The following NPFFR2 variants were observed in gnomAD, a reference collection of about 807,000 sequenced individuals.
The protein encoded by NPFFR2 is neuropeptide FF receptor 2.
A neutral mutation model predicts 13.1 loss-of-function variants in NPFFR2; 15 were observed. That is an observed-to-expected ratio of 1.15 (90% CI 0.77 to 1.76). The LOEUF (loss-of-function observed/expected upper bound fraction) is 1.76. NPFFR2 is among the 40% of genes most tolerant of loss of function. NPFFR2 has a pLI of 0.00. For missense variants in NPFFR2, 572 were observed against 503.5 expected (o/e 1.14, Z -1.30); for synonymous variants, 190 against 175.7 (o/e 1.08, Z -0.65).
intron 1 of NPFFR2, among the ~76,000 whole-genome samples, chr4:72,038,866 T>A (rs1301973611): frequency 6.6e-6 from 1 of 150,702 alleles, no homozygotes; most frequent in Non-Finnish European, 1.5e-5. Context: ...AATTATATCA[T>A]AATGTTGTTT....
At chr4:72,103,928 C>T (rs529202706) in intron 1 of NPFFR2, among the ~76,000 whole-genome samples, 10 of 151,740 alleles carry the variant, frequency 6.6e-5, no homozygotes, top group East Asian at 2.0e-4. Context: ...GAAACAGAAC[C>T]GGCAAATTTC....
intron 1 of NPFFR2, among the ~76,000 whole-genome samples, chr4:72,062,616 A>C (rs922101322): frequency 1.3e-5 from 2 of 152,052 alleles, no homozygotes; most frequent in Non-Finnish European, 2.9e-5. Flanking sequence ...AAAGACGTGA[A>C]ATCTTCCCGA....
chr4:72,118,741 A>G (rs1243272084), intron 1 of NPFFR2, among the ~76,000 whole-genome samples: 1 of 152,300 alleles, frequency 6.6e-6, no homozygotes, highest in East Asian at 1.9e-4. Context: ...AGCACCAATT[A>G]TTGGTTCAAC....
At chr4:72,123,145 A>G (rs1235255918) in intron 1 of NPFFR2, among the ~76,000 whole-genome samples, 1 of 152,218 alleles carries the variant, frequency 6.6e-6, no homozygotes, top group African/African-American at 2.4e-5. Context: ...ACCTCTGTGC[A>G]AATAAACTAG....
At chr4:72,141,968 G>T (rs1330144135) in intron 3 of NPFFR2, among the ~76,000 whole-genome samples, 1 of 152,112 alleles carries the variant, frequency 6.6e-6, no homozygotes, top group Non-Finnish European at 1.5e-5. Context: ...ATATATTTAG[G>T]ATCGTTATTT....
intron 1 of NPFFR2, among the ~76,000 whole-genome samples, chr4:72,112,314 A>T (rs1230995864): frequency 6.6e-6 from 1 of 152,058 alleles, no homozygotes; most frequent in African/African-American, 2.4e-5. Flanking sequence ...TTCTTAGTAG[A>T]AACAGTAAGA....
intron 3 of NPFFR2, among the ~76,000 whole-genome samples, chr4:72,145,509 G>A (rs1473030024): frequency 5.3e-5 from 8 of 151,824 alleles, no homozygotes; most frequent in African/African-American, 1.9e-4. Context: ...CCTATTAGTA[G>A]GTATTCAAAA....
At chr4:72,134,407 C>T (rs1238671933) in intron 2 of NPFFR2, among the ~76,000 whole-genome samples, 2 of 152,036 alleles carry the variant, frequency 1.3e-5, no homozygotes, top group African/African-American at 4.8e-5. Flanking sequence ...CCTTCAAACT[C>T]TCATAGATGT....
At chr4:72,144,921 C>T (rs1009290396) in intron 3 of NPFFR2, among the ~76,000 whole-genome samples, 16 of 152,264 alleles carry the variant, frequency 1.1e-4, no homozygotes, top group South Asian at 2.1e-4. Flanking sequence ...AACTGGCCTT[C>T]GGGCTCAGGA....
At chr4:72,072,185 A>G (rs941987031) in intron 1 of NPFFR2, among the ~76,000 whole-genome samples, 2 of 152,100 alleles carry the variant, frequency 1.3e-5, no homozygotes, top group African/African-American at 4.8e-5. Context: ...ATATTTACAA[A>G]CCAGGAAAAT....
chr4:72,076,368 G>A (rs961350687), intron 1 of NPFFR2, among the ~76,000 whole-genome samples: 1 of 151,942 alleles, frequency 6.6e-6, no homozygotes, highest in Non-Finnish European at 1.5e-5. Context: ...TATATAAATT[G>A]TTATATTCTA....
intron 1 of NPFFR2, among the ~76,000 whole-genome samples, chr4:72,059,671 A>G (rs1287543133): frequency 6.6e-6 from 1 of 152,076 alleles, no homozygotes; most frequent in Non-Finnish European, 1.5e-5. Context: ...TTATAGTATT[A>G]ACTCTATGGT....
chr4:72,059,049 G>A (rs944950613), intron 1 of NPFFR2, among the ~76,000 whole-genome samples: 8 of 152,152 alleles, frequency 5.3e-5, no homozygotes, highest in Admixed American at 1.3e-4. Flanking sequence ...TATTCTGGCC[G>A]TAGACCATTG....
intron 1 of NPFFR2, among the ~76,000 whole-genome samples, chr4:72,035,104 G>A (rs1719011182): frequency 6.6e-6 from 1 of 152,230 alleles, no homozygotes; most frequent in Non-Finnish European, 1.5e-5. Flanking sequence ...GTAGAAGGCA[G>A]AGGATACAGA....
At chr4:72,104,624 C>T (rs974668299) in intron 1 of NPFFR2, among the ~76,000 whole-genome samples, 2 of 151,952 alleles carry the variant, frequency 1.3e-5, no homozygotes, top group African/African-American at 4.8e-5. Context: ...CGTTATGTCC[C>T]ATGTTATAAA....
chr4:72,108,394 G>T (rs78852706), intron 1 of NPFFR2, among the ~76,000 whole-genome samples: 1 of 151,818 alleles, frequency 6.6e-6, no homozygotes, highest in African/African-American at 2.4e-5. Flanking sequence ...CATTTCCCCT[G>T]GGTGCAATCT....
intron 1 of NPFFR2, among the ~76,000 whole-genome samples, chr4:72,090,680 A>G (rs901290373): frequency 6.6e-6 from 1 of 152,126 alleles, no homozygotes. Flanking sequence ...TTGATTTTGT[A>G]TTCTGAAACT....
intron 1 of NPFFR2, among the ~76,000 whole-genome samples, chr4:72,116,446 A>C (rs1406845701): frequency 6.6e-6 from 1 of 151,840 alleles, no homozygotes; most frequent in South Asian, 2.1e-4. Context: ...ATAAAGGGTG[A>C]AAAACTACCT....
chr4:72,122,437 A>G (rs913953737), intron 1 of NPFFR2, among the ~76,000 whole-genome samples: 45 of 152,176 alleles, frequency 3.0e-4, no homozygotes, highest in African/African-American at 1.1e-3. Flanking sequence ...AGCCCAAATA[A>G]AGAGACTATA....
Sources: gnomAD v4.1 joint callset for allele counts (sites outside exome capture counted in the v4.1 genomes callset) on GRCh38, gnomAD v4.1.1 for gene constraint, MANE v1.5 for transcripts, NCBI Gene and HGNC (gene_info 2026-07-23, HGNC 2026-07-21) for gene names.